Variants in AHRR observed in about 807,000 individuals in gnomAD.
AHRR encodes the protein aryl hydrocarbon receptor repressor, also known as ahR repressor.
A neutral mutation model predicts 44.0 loss-of-function variants in AHRR; 28 were observed. The observed-to-expected ratio is 0.64, with a 90% CI of 0.47 to 0.87. AHRR has a LOEUF of 0.87. AHRR is among the 40% of genes least tolerant of loss of function. AHRR has a pLI of 0.00. For synonymous variants in AHRR, 434 were observed against 407.0 expected, an observed-to-expected ratio of 1.07 and a Z score of -0.80; for missense variants, 990 against 953.9, an observed-to-expected ratio of 1.04 and a Z score of -0.50.
chr5:392,487 G>A (rs1300778182), intron 4 of AHRR, among the ~76,000 whole-genome samples: 7 of 152,168 alleles, frequency 4.6e-5, no homozygotes, highest in Non-Finnish European at 8.8e-5. Context: ...GGCGCAGGGC[G>A]AGGTGGGTGC....
intron 3 of AHRR, among the ~76,000 whole-genome samples, chr5:373,492 C>T (rs941620293): frequency 3.3e-5 from 5 of 152,240 alleles, no homozygotes; most frequent in African/African-American, 1.2e-4. Flanking sequence ...TTGTAAGGGC[C>T]ACGGTGATGG....
intron 10 of AHRR, among the ~76,000 whole-genome samples, chr5:433,358 C>G (rs1158939114): frequency 6.6e-6 from 1 of 152,334 alleles, no homozygotes; most frequent in East Asian, 1.9e-4. Flanking sequence ...ACCAGCCCAG[C>G]TGTGCCCCAC....
At chr5:323,952 T>C (rs182055601) in intron 1 of AHRR, among the ~76,000 whole-genome samples, 16 of 151,976 alleles carry the variant, frequency 1.1e-4, no homozygotes, top group Admixed American at 2.6e-4. Context: ...TGAAACACCT[T>C]GCCTAGCTCG....
At position 404,107 on chromosome 5, in the gene AHRR, C is replaced by T; in HGVS notation, c.352-9237C>T. On this transcript the variant is annotated intron_variant, in intron 4 of 10. Coordinates refer to ENST00000684583, the MANE Select transcript of AHRR (RefSeq NM_001377236.1). This position sits in a 1 kb window ranked among gnomAD's most constrained non-coding sequence, Gnocchi z 4.1. ...AGTCAGTTCCGTTGTCAGGGTTGGT[C>T]CAGGTTTGGGGTTACCCTTCTCCGT... 1 of 593,380 alleles carries T rather than the reference C, an allele frequency of 1.7e-6. No individual in the cohort carries two copies. Among genetic ancestry groups the T allele is most frequent in the Non-Finnish European group, 3.2e-6 (1 of 312,328 alleles). The allele number at this position is 593,380 out of a possible 1,614,324, so 36.8% of individuals were successfully genotyped here.
At chr5:351,045 G>A (rs1477320796) in intron 2 of AHRR, among the ~76,000 whole-genome samples, 5 of 151,866 alleles carry the variant, frequency 3.3e-5, no homozygotes, top group Non-Finnish European at 4.4e-5. Flanking sequence ...AATCAAAACC[G>A]TAACAAAATA....
intron 5 of AHRR, among the ~76,000 whole-genome samples, chr5:420,696 C>T (rs1015143811): frequency 3.9e-5 from 6 of 152,168 alleles, no homozygotes; most frequent in African/African-American, 9.7e-5. Flanking sequence ...GGGATGGCAG[C>T]GGGGACACCT....
At chr5:324,041 CTCTT>C (rs1741612459) in intron 1 of AHRR, among the ~76,000 whole-genome samples, 1 of 136,338 alleles carries the variant, frequency 7.3e-6, no homozygotes, top group African/African-American at 3.7e-5. Context: ...CTCTCTGTCT[CTCTT>C]TCTCTCTCTC....
chr5:382,770 C>G (rs1024249438), intron 4 of AHRR, among the ~76,000 whole-genome samples: 1 of 128,800 alleles, frequency 7.8e-6, no homozygotes, highest in African/African-American at 3.4e-5. Context: ...TTAATTTCCA[C>G]TCTTCTTGTT....
Position 372,994 on chromosome 5 carries a change from C to T in AHRR, c.245-3616C>T, listed in dbSNP as rs907574795. 3.3e-5 allele frequency among the ~76,000 whole-genome samples: 5 copies of T among 152,258 alleles called. No individual in the cohort carries two copies. The East Asian group carries it at 5.8e-4, about 18-fold the overall frequency. On this transcript the variant is annotated intron_variant, in intron 3 of 10. Coordinates refer to ENST00000684583, the MANE Select transcript of AHRR (RefSeq NM_001377236.1). ...TCTGCTCCAGCCCTTGCTGTGGGCA[C>T]AGGGTCGCCCGAGGCCTTGGTGCTG...
chr5:332,263 C>CTTTTT (rs36049046), intron 1 of AHRR, among the ~76,000 whole-genome samples: 1 of 116,988 alleles, frequency 8.5e-6, no homozygotes, highest in Non-Finnish European at 1.7e-5. Context: ...TCTGTTAAGA[C>CTTTTT]TTTTTTTTTT....
intron 8 of AHRR, among the ~76,000 whole-genome samples, chr5:429,450 T>C (rs1049201057): frequency 3.9e-5 from 6 of 152,178 alleles, no homozygotes; most frequent in Admixed American, 1.3e-4. Flanking sequence ...GGGGCGGGGC[T>C]GAGCGCAGGG....
intron 1 of AHRR, among the ~76,000 whole-genome samples, chr5:336,399 T>A (rs1394216209): frequency 6.6e-6 from 1 of 152,216 alleles, no homozygotes; most frequent in African/African-American, 2.4e-5. Flanking sequence ...CATCGACACA[T>A]TATTTTGGTT....
At chr5:421,136 G>T (rs529412810) in intron 5 of AHRR, 22 of 562,566 alleles carry the variant, frequency 3.9e-5, no homozygotes, top group African/African-American at 3.6e-4. Context: ...GCCTTAACTG[G>T]AAGAGGAGCC....
intron 1 of AHRR, among the ~76,000 whole-genome samples, chr5:323,197 G>T (rs926307796): frequency 6.6e-6 from 1 of 152,386 alleles, no homozygotes; most frequent in Admixed American, 6.5e-5. Context: ...GTCCCAGGCA[G>T]AGAAGAACGC....
chr5:387,932 T>A lies in AHRR; in HGVS notation c.351+11216T>A, dbSNP rs1734237029. 6.6e-6 allele frequency among the ~76,000 whole-genome samples: 1 copy of A among 151,464 alleles called. No homozygotes were observed. The highest frequency in any genetic ancestry group is 2.4e-5 in the African/African-American group (1 of 41,216). ...CCTTGACAAAGGCTCTTGGGGAGAGTGTACTCCACACCCCCTCGCTTCTGG... is the reference window on the plus strand; with the variant it reads ...CCTTGACAAAGGCTCTTGGGGAGAGAGTACTCCACACCCCCTCGCTTCTGG... On this transcript the variant is annotated intron_variant, in intron 4 of 10. Transcript: ENST00000684583. This position sits in a 1 kb window ranked among gnomAD's most constrained non-coding sequence, Gnocchi z 5.1.
chr5:367,842 G>A (rs1051240454), intron 3 of AHRR: 3 of 702,440 alleles, frequency 4.3e-6, no homozygotes, highest in Non-Finnish European at 7.8e-6. Context: ...CCGAAGATGT[G>A]GATGACCACA....
intron 1 of AHRR, among the ~76,000 whole-genome samples, chr5:327,587 G>GT (rs1307157511): frequency 1.3e-5 from 2 of 152,076 alleles, no homozygotes; most frequent in Non-Finnish European, 2.9e-5. Flanking sequence ...ATATTCAATT[G>GT]TGTATATATA....
At chr5:340,542 G>A (rs542487594) in intron 1 of AHRR, among the ~76,000 whole-genome samples, 1 of 149,552 alleles carries the variant, frequency 6.7e-6, no homozygotes, top group African/African-American at 2.5e-5. Context: ...ACAGGATTAG[G>A]GCTCCAGCCT....
intron 4 of AHRR, among the ~76,000 whole-genome samples, chr5:379,105 C>T (rs931368757): frequency 6.6e-6 from 1 of 152,174 alleles, no homozygotes; most frequent in Non-Finnish European, 1.5e-5. Flanking sequence ...CTGTCCCTTG[C>T]CTTTCTCTGG....
Sources: allele counts gnomAD v4.1 joint callset (sites outside exome capture counted in the v4.1 genomes callset), GRCh38; gene constraint gnomAD v4.1.1; non-coding constraint Gnocchi (gnomAD v3.1); transcripts MANE v1.5; gene names NCBI Gene and HGNC (gene_info 2026-07-23, HGNC 2026-07-21).